TRPM6: variants seen among roughly 807,000 people sequenced by gnomAD.
TRPM6 encodes the protein channel kinase 2.
In TRPM6, 111 loss-of-function variants were observed where a neutral mutation model predicts 247.6. The ratio of observed to expected loss-of-function variants is 0.45; its 90% confidence interval spans 0.38 to 0.52. The LOEUF (loss-of-function observed/expected upper bound fraction) is 0.52. TRPM6 is among the 20% of genes least tolerant of loss of function. The pLI is 0.00. For missense variants in TRPM6, 2,126 were observed against 2,421.5 expected (o/e 0.88, Z 2.56); for synonymous variants, 892 against 853.8 (o/e 1.04, Z -0.78).
intron 5 of TRPM6, among the ~76,000 whole-genome samples, chr9:74,835,374 T>C (rs1829690354): frequency 6.8e-6 from 1 of 146,942 alleles, no homozygotes; most frequent in South Asian, 2.3e-4. Context: ...TTTTCTCCTA[T>C]TATGAATGTT....
intron 18 of TRPM6, among the ~76,000 whole-genome samples, 165 bp from the exon 19 acceptor site, chr9:74,792,935 T>C (rs1369275791): frequency 6.6e-6 from 1 of 152,106 alleles, no homozygotes. Flanking sequence ...GGTGGGCAGA[T>C]CATCTGAGGT....
Position 74,818,064 on chromosome 9 carries a change from T to C in TRPM6, c.1135-1100A>G, listed in dbSNP as rs547769816. ...TGCACGAATAAAATCAGTCCTCAATTGTACAACCCAATTCCTATCACCTGC... is the reference window on the plus strand; with the variant it reads ...TGCACGAATAAAATCAGTCCTCAATCGTACAACCCAATTCCTATCACCTGC... On this transcript the variant is annotated intron_variant, in intron 9 of 38. Transcript: ENST00000360774. 3.2e-4 allele frequency among the ~76,000 whole-genome samples: 49 copies of C among 152,252 alleles called. 1 individual carries two copies. Among genetic ancestry groups the C allele is most frequent in the African/African-American group, 1.2e-3 (48 of 41,560 alleles).
intron 30 of TRPM6, among the ~76,000 whole-genome samples, chr9:74,749,721 C>T (rs990674882): frequency 2.0e-5 from 3 of 152,162 alleles, no homozygotes; most frequent in African/African-American, 7.2e-5. Context: ...AGTACAATTA[C>T]GATTATTGTT....
At chr9:74,737,616 T>A (rs1825737276) in intron 36 of TRPM6, among the ~76,000 whole-genome samples, 3 of 152,218 alleles carry the variant, frequency 2.0e-5, no homozygotes. Context: ...GGCTCCCCCT[T>A]AAGCAGCTGT....
rs370745121 is a variant in TRPM6, at chr9:74,840,052, C to T, written c.516G>A (p.Ala172=). The part of the protein sequence containing the change: ...GLVKAAETTG[A]WIITEGINTG... ...TATTGATGCCTTCAGTTATTATCCA[C>T]GCTCCTGTTGTCTCTGCAGCTTTAA... The change falls in exon 5 of 39, where the codon GCG becomes GCA. Residue 172 remains alanine (A), a synonymous_variant. Transcript: ENST00000360774. 2.7e-5 allele frequency: 43 copies of T among 1,614,038 alleles called. No individual in the cohort carries two copies. The highest frequency in any genetic ancestry group is 9.3e-5 in the African/African-American group (7 of 75,016).
At chr9:74,883,543 T>A (rs1337460099) in intron 1 of TRPM6, among the ~76,000 whole-genome samples, 1 of 152,184 alleles carries the variant, frequency 6.6e-6, no homozygotes, top group Non-Finnish European at 1.5e-5. Flanking sequence ...TATTTGTGAC[T>A]GATTGTGAAG....
At chr9:74,849,781 G>A (rs1362445423) in intron 3 of TRPM6, among the ~76,000 whole-genome samples, 4 of 152,190 alleles carry the variant, frequency 2.6e-5, no homozygotes, top group Non-Finnish European at 5.9e-5. Context: ...AAAAGCACTG[G>A]ACCAGGAGAT....
At chr9:74,740,069 G>A (rs1825814388) in intron 33 of TRPM6, 60 bp from the exon 34 acceptor site, 1 of 1,567,052 alleles carries the variant, frequency 6.4e-7, no homozygotes, top group Non-Finnish European at 8.7e-7. Flanking sequence ...GACATGAATA[G>A]TATCCTAAAT....
At chr9:74,769,884 A>G (rs965741864) in intron 25 of TRPM6, among the ~76,000 whole-genome samples, 1 of 152,174 alleles carries the variant, frequency 6.6e-6, no homozygotes, top group African/African-American at 2.4e-5. Flanking sequence ...ACTTCATCCC[A>G]GCTCCGTAAG....
chr9:74,782,552 C>A (rs1400428321), intron 22 of TRPM6, 76 bp from the exon 23 acceptor site: 1 of 1,439,272 alleles, frequency 6.9e-7, no homozygotes, highest in East Asian at 2.3e-5. Flanking sequence ...ACATTTAGCA[C>A]ATTAACTGCA....
intron 27 of TRPM6, among the ~76,000 whole-genome samples, chr9:74,756,367 T>C (rs1006059216): frequency 2.6e-5 from 4 of 152,184 alleles, no homozygotes; most frequent in Non-Finnish European, 5.9e-5. Flanking sequence ...AAACATTTTT[T>C]AAATAAGGCA....
In TRPM6 at chr9:74,808,145, G is replaced by A; in HGVS notation, c.1527C>T (p.Thr509=). 4 of 1,613,902 alleles carry A rather than the reference G, an allele frequency of 2.5e-6. No individual in the cohort carries two copies. Among genetic ancestry groups the A allele is most frequent in the Non-Finnish European group, 3.4e-6 (4 of 1,179,908 alleles). The change falls in exon 14 of 39, where the codon ACC becomes ACT. Residue 509 remains threonine (T), a synonymous_variant. Coordinates refer to ENST00000360774, the MANE Select transcript of TRPM6 (RefSeq NM_017662.5). ...QHTLLSGYRI[T]LIDIGLVVEY... ...CTACTACTAATCCAATGTCAATCAA[G>A]GTTATTCGGTAGCCTGAAAGAAGGG...
At chr9:74,817,472 A>AGT (rs1206345027) in intron 9 of TRPM6, among the ~76,000 whole-genome samples, 5 of 152,116 alleles carry the variant, frequency 3.3e-5, no homozygotes, top group Non-Finnish European at 5.9e-5. Context: ...ATTACAGGCG[A>AGT]GTCACCACGC....
In TRPM6 at chr9:74,762,290, C is replaced by A. The variant is rs1564002176; in HGVS notation, c.4381G>T (p.Asp1461Tyr). 1 of 1,614,222 alleles carries A rather than the reference C, an allele frequency of 6.2e-7. No individual in the cohort carries two copies. Among genetic ancestry groups the A allele is most frequent in the Admixed American group, 1.7e-5 (1 of 60,024 alleles). Residue 1461 changes from aspartate to tyrosine, a missense_variant, in exon 26 of 39, where the codon GAT becomes TAT. Transcript: ENST00000360774. The stretch of plus-strand genomic sequence containing the variant: ...TTGATGCTAAACACACCAGTTTCAT[C>A]ACCTTCTGAAAATGCCCAGTTTACA... ...GYVNWAFSEG[D>Y]ETGVFSIKKK... is the part of the protein sequence containing the mutation.
chr9:74,723,890 A>G lies in TRPM6; in HGVS notation c.*723T>C, dbSNP rs1342074146. On this transcript the variant is annotated 3_prime_UTR_variant, in exon 39 of 39. Transcript: ENST00000360774. ...TATATATTCCATATATATTATATAT[A>G]TAAAAATATATATAATATACATATT... 6.9e-6 allele frequency: 1 copy of G among 145,818 alleles called. No individual in the cohort carries two copies. Among genetic ancestry groups the G allele is most frequent in the Non-Finnish European group, 1.5e-5 (1 of 66,902 alleles). The allele number at this position is 145,818 out of a possible 1,614,324, so 9.0% of individuals were successfully genotyped here.
chr9:74,816,170 T>C (rs1409474716), intron 11 of TRPM6, among the ~76,000 whole-genome samples: 2 of 152,142 alleles, frequency 1.3e-5, no homozygotes, highest in Non-Finnish European at 2.9e-5. Context: ...CTGGGCAATA[T>C]AACAAGTCGT....
At chr9:74,789,525 A>G (rs1382094019) in intron 19 of TRPM6, among the ~76,000 whole-genome samples, 4 of 152,196 alleles carry the variant, frequency 2.6e-5, no homozygotes, top group Admixed American at 1.3e-4. Context: ...ATGCGCATTG[A>G]AAACTGTGAC....
chr9:74,828,449 G>A (rs184785209), intron 6 of TRPM6, among the ~76,000 whole-genome samples: 2 of 152,084 alleles, frequency 1.3e-5, no homozygotes, highest in Admixed American at 6.5e-5. Flanking sequence ...TTAATGGACC[G>A]ATATGTGATC....
Position 74,738,477 on chromosome 9 carries a change from C to G in TRPM6, c.5706G>C (p.Glu1902Asp). The G allele has an allele frequency of 6.2e-7, 1 of 1,614,180 alleles. No homozygotes were observed. Among genetic ancestry groups the G allele is most frequent in the Non-Finnish European group, 8.5e-7 (1 of 1,180,014 alleles). ...TCCAGTGAGAGAAAGCCAACATCAG[C>G]TCCTCCAGGGTGTTGGTGGGGGTGA... ...DEITPTNTLE[E>D]LMLAFSHWTY... The change falls in exon 36 of 39, where the codon GAG (glutamate) becomes GAC (aspartate). Residue 1902 changes from glutamate to aspartate, a missense_variant. By Grantham distance (45) the Glu-to-Asp change is conservative (BLOSUM62 2). Around this residue, in one of 3 missense-constraint regions of TRPM6, gnomAD observed 327 missense variants for 397.7 expected, o/e 0.82. Coordinates refer to ENST00000360774, the MANE Select transcript of TRPM6 (RefSeq NM_017662.5).
Sources: allele counts gnomAD v4.1 joint callset (sites outside exome capture counted in the v4.1 genomes callset), GRCh38; gene constraint gnomAD v4.1.1; regional missense constraint gnomAD v4.1.1; transcripts MANE v1.5; gene names NCBI Gene and HGNC (gene_info 2026-07-23, HGNC 2026-07-21).